ZNF429: variants seen among roughly 807,000 people sequenced by gnomAD.
ZNF429 encodes zinc finger protein 429.
A neutral mutation model predicts 56.8 loss-of-function variants in ZNF429; 53 were observed. That is an observed-to-expected ratio of 0.93 (90% CI 0.75 to 1.17). The LOEUF (loss-of-function observed/expected upper bound fraction) is 1.17, where lower values mean the gene tolerates loss of function less well. Among genes scored for constraint, ZNF429 ranks in the 50% most tolerant of loss-of-function variants. The pLI is 0.00. For synonymous variants in ZNF429, 278 were observed against 264.7 expected, an observed-to-expected ratio of 1.05 and a Z score of -0.49; for missense variants, 849 against 788.4, an observed-to-expected ratio of 1.08 and a Z score of -0.92.
intron 2 of ZNF429, among the ~76,000 whole-genome samples, chr19:21,530,037 A>G: frequency 1.3e-5 from 2 of 152,022 alleles, no homozygotes; most frequent in Non-Finnish European, 2.9e-5. Flanking sequence ...TAAAAATACA[A>G]AAAATTAGCT....
At position 21,531,848 on chromosome 19, in the gene ZNF429, A is replaced by G; in HGVS notation, c.226+1164A>G. ...AAAAGCATTGAAATTGAAGACAAGT[A>G]AAAAGTTGCTGTTTGTAGATTATGT... On this transcript the variant is annotated intron_variant, in intron 3 of 3. Coordinates refer to ENST00000358491, the MANE Select transcript of ZNF429 (RefSeq NM_001001415.4). Among the ~76,000 whole-genome samples the G allele has an allele frequency of 1.5e-4, 23 of 152,044 alleles. 1 individual carries two copies. The highest frequency in any genetic ancestry group is 2.0e-4 in the Admixed American group (3 of 15,240).
chr19:21,512,827 C>T (rs2032563730), intron 1 of ZNF429, among the ~76,000 whole-genome samples: 1 of 151,946 alleles, frequency 6.6e-6, no homozygotes, highest in Non-Finnish European at 1.5e-5. Context: ...TGTGCAGAGT[C>T]TATGTCTGGC....
intron 3 of ZNF429, among the ~76,000 whole-genome samples, chr19:21,535,419 T>TC: frequency 3.0e-4 from 1 of 3,330 alleles, no homozygotes; most frequent in African/African-American, 1.5e-3. Context: ...TTCTTTTCTT[T>TC]CTTTCTTTCT....
At chr19:21,535,295 C>CTTT in intron 3 of ZNF429, among the ~76,000 whole-genome samples, 18 of 121,866 alleles carry the variant, frequency 1.5e-4, no homozygotes, top group Admixed American at 2.5e-4. Flanking sequence ...CCATTTCTTT[C>CTTT]CTTCTTTCTT....
At position 21,537,644 on chromosome 19, in the gene ZNF429, C is replaced by G; in HGVS notation, c.1591C>G (p.His531Asp). The G allele has an allele frequency of 6.2e-7, 1 of 1,613,410 alleles. No homozygotes were observed. The highest frequency in any genetic ancestry group is 8.5e-7 in the Non-Finnish European group (1 of 1,179,782). ...AAGACTTACTCAACATAAGAAAATT[C>G]ATACTGGAGAGAAACCTTACAAATG... ...SSRLTQHKKI[H>D]TGEKPYKCEE... is the part of the protein sequence containing the mutation. The change falls in exon 4 of 4, where the codon CAT becomes GAT. Residue 531 changes from histidine to aspartate, a missense_variant. His to Asp is a moderately conservative substitution (Grantham distance 81). Transcript: ENST00000358491.
chr19:21,521,443 T>C (rs1357524982), intron 1 of ZNF429: 3 of 152,248 alleles, frequency 2.0e-5, no homozygotes, highest in Non-Finnish European at 1.5e-5. Flanking sequence ...AAAAACCTTA[T>C]GAAATTCTAC....
chr19:21,532,720 C>T lies in ZNF429; in HGVS notation c.226+2036C>T. On this transcript the variant is annotated intron_variant, in intron 3 of 3. Coordinates refer to ENST00000358491, the MANE Select transcript of ZNF429 (RefSeq NM_001001415.4). Reference sequence around the variant, plus strand: ...AGGATTTTTTTTTTTTTTTTGGAGACGGTGGTCTCGCTTTGTCACCCAGGC... The same window carrying T: ...AGGATTTTTTTTTTTTTTTTGGAGATGGTGGTCTCGCTTTGTCACCCAGGC... 1.7e-4 allele frequency among the ~76,000 whole-genome samples: 24 copies of T among 143,842 alleles called. 1 individual carries two copies. The highest frequency in any genetic ancestry group is 4.7e-4 in the African/African-American group (18 of 38,276). The allele number at this position is 143,842 out of a possible 152,430, so 94.4% of individuals were successfully genotyped here. A position where few individuals can be genotyped will look rare whatever the true frequency, so the allele number is the denominator to read the frequency against.
At chr19:21,521,848 T>G (rs988784037) in intron 1 of ZNF429, 1 of 152,244 alleles carries the variant, frequency 6.6e-6, no homozygotes, top group African/African-American at 2.4e-5. Context: ...TTCCCATTAT[T>G]ATGAAGGCAC....
chr19:21,505,892 TCTC>T (rs1343293868), intron 1 of ZNF429, 118 bp downstream of exon 1: 2 of 1,159,574 alleles, frequency 1.7e-6, no homozygotes, highest in South Asian at 1.3e-5. Flanking sequence ...CGCCCGGAAT[TCTC>T]CTTGCCCAGC....
At chr19:21,506,670 A>G (rs1482340105) in intron 1 of ZNF429, among the ~76,000 whole-genome samples, 8 of 149,184 alleles carry the variant, frequency 5.4e-5, no homozygotes, top group African/African-American at 2.0e-4. Context: ...TTTCCTGGTT[A>G]TGTAATCAGA....
chr19:21,507,048 G>A lies in ZNF429; in HGVS notation c.3+1274G>A, dbSNP rs536946794. Among the ~76,000 whole-genome samples the A allele has an allele frequency of 1.2e-4, 18 of 152,274 alleles. No individual in the cohort carries two copies. The East Asian group carries it at 1.5e-3, about 13-fold the overall frequency. ...CTCCCAAAGTGCTGGGATTACAGGCGTGAGCCACGGCTCCCGGCTTGAGTT... is the reference window on the plus strand; with the variant it reads ...CTCCCAAAGTGCTGGGATTACAGGCATGAGCCACGGCTCCCGGCTTGAGTT... On this transcript the variant is annotated intron_variant, in intron 1 of 3. Coordinates refer to ENST00000358491, the MANE Select transcript of ZNF429 (RefSeq NM_001001415.4).
At chr19:21,531,130 C>CAAAA in intron 3 of ZNF429, among the ~76,000 whole-genome samples, 6 of 113,160 alleles carry the variant, frequency 5.3e-5, no homozygotes, top group Non-Finnish European at 9.3e-5. Flanking sequence ...AAAAAAAAAA[C>CAAAA]CAAAAAAAAA....
chr19:21,536,661 G>A lies in ZNF429; in HGVS notation c.608G>A (p.Cys203Tyr), dbSNP rs753196560. 7 of 1,613,894 alleles carry A rather than the reference G, an allele frequency of 4.3e-6. No individual in the cohort carries two copies. In the South Asian group the frequency reaches 6.6e-5, roughly 15 times the overall value. ...CATATTAGAGAGAATACCTACAGAT[G>A]TAAAGAATTTGGCAATGCCTTTAAT... ...KIHIRENTYRCKEFGNAFNQS... is the reference protein window; with the variant it reads ...KIHIRENTYRYKEFGNAFNQS... The change falls in exon 4 of 4, where the codon TGT (cysteine) becomes TAT (tyrosine). Residue 203 changes from cysteine (C) to tyrosine (Y), a missense_variant. Physicochemically the swap from Cys to Tyr is radical, Grantham distance 194. Coordinates refer to ENST00000358491, the MANE Select transcript of ZNF429 (RefSeq NM_001001415.4).
chr19:21,538,034 G>A lies in ZNF429; in HGVS notation c.1981G>A (p.Gly661Ser), dbSNP rs769072574. 5 of 1,590,732 alleles carry A rather than the reference G, an allele frequency of 3.1e-6. No individual in the cohort carries two copies. The highest frequency in any genetic ancestry group is 3.4e-6 in the Non-Finnish European group (4 of 1,160,238). ...ACNPSTLGGR[G>S]GRITRSGDRD... is the part of the protein sequence containing the mutation. The stretch of plus-strand genomic sequence containing the variant: ...TAATCCCAGCACTTTGGGAGGCAGA[G>A]GTGGGCGGATCACGAGGTCAGGAGA... The change falls in exon 4 of 4, where the codon GGT (glycine) becomes AGT (serine). Residue 661 changes from glycine to serine, a missense_variant. Transcript: ENST00000358491.
intron 1 of ZNF429, among the ~76,000 whole-genome samples, chr19:21,509,309 T>A (rs1485714631): frequency 1.3e-5 from 2 of 152,176 alleles, no homozygotes; most frequent in Admixed American, 1.3e-4. Flanking sequence ...TACTACATGA[T>A]TTTTTAATGG....
intron 1 of ZNF429, among the ~76,000 whole-genome samples, chr19:21,528,082 A>T (rs866976935): frequency 6.6e-6 from 1 of 152,048 alleles, no homozygotes; most frequent in African/African-American, 2.4e-5. Flanking sequence ...TCTCTACATC[A>T]TAGCTTTTTA....
intron 3 of ZNF429, among the ~76,000 whole-genome samples, chr19:21,535,499 CTTTCTTTCTTTCTTTCCTTCTT>C: frequency 1.5e-5 from 1 of 64,798 alleles, no homozygotes; most frequent in Non-Finnish European, 3.1e-5. Context: ...TTTCTTTCTT[CTTTCTTTCTTTCTTTCCTTCTT>C]TTTCTTTTTT....
rs1458164582 is a variant in ZNF429, at chr19:21,505,793, A to G, written c.3+19A>G. ...AGAAATGGTGAGAGTGCCGAGTCTG[A>G]CATCCCCAGAGAGGGGGAGGGGCTG... On this transcript the variant is annotated intron_variant, in intron 1 of 3. Coordinates refer to ENST00000358491, the MANE Select transcript of ZNF429 (RefSeq NM_001001415.4). The G allele has an allele frequency of 6.2e-7, 1 of 1,611,270 alleles. No individual in the cohort carries two copies. The highest frequency in any genetic ancestry group is 8.5e-7 in the Non-Finnish European group (1 of 1,178,218).
In ZNF429 at chr19:21,535,602, C is replaced by G; in HGVS notation, c.227-678C>G. ...CGGTCTCAGCTCACTGCAACCTCCA[C>G]TTTCTGGGTTCAAGTGATTCTCCTG... On this transcript the variant is annotated intron_variant, in intron 3 of 3. Transcript: ENST00000358491. 1.3e-3 allele frequency among the ~76,000 whole-genome samples: 193 copies of G among 151,226 alleles called. 2 individuals carry two copies. In the East Asian group the frequency reaches 0.034, roughly 27 times the overall value.
Sources: gnomAD v4.1 joint callset for allele counts (sites outside exome capture counted in the v4.1 genomes callset) on GRCh38, gnomAD v4.1.1 for gene constraint, MANE v1.5 for transcripts, NCBI Gene and HGNC (gene_info 2026-07-23, HGNC 2026-07-21) for gene names.